Variants in NELL1 observed in about 807,000 individuals in gnomAD.
NELL1 encodes the protein neural EGFL like 1.
In NELL1, 76 loss-of-function variants were observed where a neutral mutation model predicts 107.4. That is an observed-to-expected ratio of 0.71 (90% confidence interval 0.59 to 0.86). The LOEUF (loss-of-function observed/expected upper bound fraction) is 0.86. Ranked by LOEUF, NELL1 falls within the 40% of genes least tolerant of loss-of-function variation. The pLI, the probability that NELL1 is intolerant of heterozygous loss-of-function variation, is 0.00. For synonymous variants in NELL1, 353 were observed against 341.2 expected (o/e 1.03, Z -0.38); for missense variants, 1,024 against 1,005.5 (o/e 1.02, Z -0.25).
At chr11:21,345,744 A>AAAT (rs1214777496) in intron 14 of NELL1, among the ~76,000 whole-genome samples, 1 of 152,202 alleles carries the variant, frequency 6.6e-6, no homozygotes, top group Non-Finnish European at 1.5e-5. Flanking sequence ...GTCTTTTCCC[A>AAAT]AATGAGTTTT....
chr11:20,937,828 G>A lies in NELL1; in HGVS notation c.1040G>A (p.Arg347Gln), dbSNP rs771961538. The change falls in exon 10 of 20, where the codon CGG becomes CAG. Residue 347 changes from arginine (R) to glutamine (Q), a missense_variant. By Grantham distance (43) the Arg-to-Gln change is conservative. Coordinates refer to ENST00000357134, the MANE Select transcript of NELL1 (RefSeq NM_006157.5). Reference sequence around the variant, plus strand: ...GGAAAAGTTCTTGCAGAAGGCCAGCGGATTTTAACCAAGAGCTGTCGGGAA... The same window carrying A: ...GGAAAAGTTCTTGCAGAAGGCCAGCAGATTTTAACCAAGAGCTGTCGGGAA... ...YGGKVLAEGQRILTKSCRECR... is the reference protein window; with the variant it reads ...YGGKVLAEGQQILTKSCRECR... The A allele has an allele frequency of 2.4e-5, 39 of 1,613,886 alleles. No individual in the cohort carries two copies. Among genetic ancestry groups the A allele is most frequent in the African/African-American group, 9.3e-5 (7 of 74,898 alleles).
chr11:21,234,989 A>T (rs1036516806), intron 14 of NELL1, among the ~76,000 whole-genome samples: 28 of 152,308 alleles, frequency 1.8e-4, no homozygotes, highest in African/African-American at 6.7e-4. Context: ...TTTATAAACT[A>T]CTGGGCTGTG....
At chr11:21,368,558 G>A (rs1851284757) in intron 14 of NELL1, among the ~76,000 whole-genome samples, 1 of 151,842 alleles carries the variant, frequency 6.6e-6, no homozygotes, top group Admixed American at 6.6e-5. Context: ...GCAGCCTTAG[G>A]GCACTTGATT....
In NELL1 at chr11:20,697,658, G is replaced by T. The variant is rs182667400; in HGVS notation, c.184+19598G>T. On this transcript the variant is annotated intron_variant, in intron 2 of 19. Transcript: ENST00000357134. ...CTCAACTACGTTACAGTTCAGAAGG[G>T]CAAATATGACCTCTGGCACCCTAAT... is the stretch of plus-strand genomic sequence containing the variant. Among the ~76,000 whole-genome samples, 562 of 152,102 alleles carry T rather than the reference G, an allele frequency of 3.7e-3. 3 individuals carry two copies. Among genetic ancestry groups the T allele is most frequent in the African/African-American group, 0.013 (528 of 41,484 alleles).
At chr11:21,070,281 A>G (rs2134377463) in intron 12 of NELL1, among the ~76,000 whole-genome samples, 1 of 152,292 alleles carries the variant, frequency 6.6e-6, no homozygotes, top group South Asian at 2.1e-4. Context: ...TTTCTCATTT[A>G]ATAGAGGTAG....
At chr11:20,790,681 T>A (rs1028234369) in intron 3 of NELL1, among the ~76,000 whole-genome samples, 1 of 151,898 alleles carries the variant, frequency 6.6e-6, no homozygotes, top group Non-Finnish European at 1.5e-5. Context: ...GAGGTCTAGA[T>A]CTGCAGCCAT....
intron 13 of NELL1, among the ~76,000 whole-genome samples, chr11:21,177,973 CT>C (rs1214656219): frequency 1.3e-5 from 2 of 151,652 alleles, no homozygotes; most frequent in African/African-American, 4.9e-5. Flanking sequence ...TATTTGTTTT[CT>C]TTTTATGGAG....
intron 12 of NELL1, among the ~76,000 whole-genome samples, chr11:21,026,064 A>G (rs1852807286): frequency 6.6e-6 from 1 of 152,086 alleles, no homozygotes; most frequent in African/African-American, 2.4e-5. Flanking sequence ...AGCCCCCATA[A>G]ACTTTCACCT....
At chr11:21,099,394 G>A (rs997540972) in intron 12 of NELL1, among the ~76,000 whole-genome samples, 5 of 152,070 alleles carry the variant, frequency 3.3e-5, no homozygotes, top group African/African-American at 1.2e-4. Context: ...GGAAGAGAAT[G>A]CCTCTCTCAT....
chr11:21,413,273 C>T (rs1460999649), intron 15 of NELL1, among the ~76,000 whole-genome samples: 4 of 151,888 alleles, frequency 2.6e-5, no homozygotes, highest in East Asian at 2.0e-4. Flanking sequence ...GATGTCAAAT[C>T]TGGATGGACA....
intron 12 of NELL1, among the ~76,000 whole-genome samples, chr11:21,009,857 G>A (rs1025421596): frequency 6.6e-6 from 1 of 152,036 alleles, no homozygotes; most frequent in Non-Finnish European, 1.5e-5. Context: ...GTGGGTTCTG[G>A]TAGGCTGGTT....
chr11:21,339,126 G>T (rs1010968916), intron 14 of NELL1, among the ~76,000 whole-genome samples: 1 of 152,078 alleles, frequency 6.6e-6, no homozygotes, highest in South Asian at 2.1e-4. Context: ...TCTAACATTT[G>T]GTACCTAAGA....
At chr11:20,711,634 C>T (rs1855116204) in intron 2 of NELL1, among the ~76,000 whole-genome samples, 2 of 151,918 alleles carry the variant, frequency 1.3e-5, no homozygotes, top group South Asian at 4.2e-4. Context: ...ATCTCTTCTT[C>T]ATTTATGAAG....
intron 5 of NELL1, among the ~76,000 whole-genome samples, chr11:20,892,843 C>T (rs1474291403): frequency 2.7e-5 from 4 of 150,806 alleles, no homozygotes; most frequent in Non-Finnish European, 4.4e-5. Flanking sequence ...ACAGGAGAAT[C>T]GCTTGAACCC....
At chr11:21,499,654 C>A (rs1396807129) in intron 15 of NELL1, among the ~76,000 whole-genome samples, 1 of 152,106 alleles carries the variant, frequency 6.6e-6, no homozygotes, top group African/African-American at 2.4e-5. Context: ...TATTGGTCAA[C>A]TCTACTATAA....
intron 3 of NELL1, among the ~76,000 whole-genome samples, chr11:20,823,676 T>G (rs11025772): frequency 0.032 from 4,865 of 151,250 alleles, 305 homozygotes; most frequent in Middle Eastern, 0.051. Context: ...TTAAATAAGT[T>G]TCCAGGTGAT....
chr11:21,149,508 T>A (rs999017756), intron 13 of NELL1, among the ~76,000 whole-genome samples: 6 of 152,182 alleles, frequency 3.9e-5, no homozygotes, highest in African/African-American at 1.4e-4. Context: ...TCGTGAGACT[T>A]ATTCACTACC....
chr11:21,291,227 G>A (rs896206750), intron 14 of NELL1, among the ~76,000 whole-genome samples: 1 of 152,076 alleles, frequency 6.6e-6, no homozygotes, highest in Non-Finnish European at 1.5e-5. Context: ...TTGATCAAGT[G>A]GAAGACAGGA....
chr11:21,311,850 C>T (rs375949206), intron 14 of NELL1, among the ~76,000 whole-genome samples: 1 of 152,094 alleles, frequency 6.6e-6, no homozygotes, highest in African/African-American at 2.4e-5. Context: ...TGCCTGTCTC[C>T]TCTCAAAATA....
Sources: allele counts gnomAD v4.1 joint callset (sites outside exome capture counted in the v4.1 genomes callset), GRCh38; gene constraint gnomAD v4.1.1; transcripts MANE v1.5; gene names NCBI Gene and HGNC (gene_info 2026-07-23, HGNC 2026-07-21).